The following KCNIP4 variants were observed in gnomAD, a reference collection of about 807,000 sequenced individuals.
KCNIP4 encodes potassium voltage-gated channel interacting protein 4, also known as Kv channel-interacting protein 4.
In KCNIP4, 12 loss-of-function variants were observed where a neutral mutation model predicts 34.0. That is an observed-to-expected ratio of 0.35 (90% CI 0.23 to 0.57). KCNIP4 has a LOEUF of 0.57. KCNIP4 is among the 20% of genes least tolerant of loss of function. The pLI is 0.83. For missense variants in KCNIP4, 238 were observed against 311.7 expected (o/e 0.76, Z 1.78); for synonymous variants, 124 against 102.2 (o/e 1.21, Z -1.29).
intron 1 of KCNIP4, among the ~76,000 whole-genome samples, chr4:21,696,205 TC>T (rs1296885123): frequency 3.9e-5 from 6 of 152,282 alleles, no homozygotes; most frequent in African/African-American, 9.6e-5. Context: ...TCAGTTACTC[TC>T]TTAAAATGGT....
chr4:21,207,075 C>T (rs1243257718), intron 1 of KCNIP4, among the ~76,000 whole-genome samples: 1 of 152,198 alleles, frequency 6.6e-6, no homozygotes, highest in Non-Finnish European at 1.5e-5. Context: ...GAAAATTAGA[C>T]ACCCCCCTGG....
rs1212812031 is a variant in KCNIP4 at position 21,051,854 on chromosome 4, T to C, written c.62-169145A>G. ...TACACACAACCACTACATTACAGCATGAAGTAAGATTTAGGCTGCAAGAGA... is the reference window on the plus strand; with the variant it reads ...TACACACAACCACTACATTACAGCACGAAGTAAGATTTAGGCTGCAAGAGA... On this transcript the variant is annotated intron_variant, in intron 1 of 8. Transcript: ENST00000382152. 2.0e-5 allele frequency among the ~76,000 whole-genome samples: 3 copies of C among 152,136 alleles called. No homozygotes were observed. The East Asian group carries it at 5.8e-4, about 29-fold the overall frequency.
intron 1 of KCNIP4, among the ~76,000 whole-genome samples, chr4:21,498,712 G>A (rs1733053830): frequency 6.6e-6 from 1 of 152,112 alleles, no homozygotes; most frequent in Non-Finnish European, 1.5e-5. Context: ...ACAACTTGAA[G>A]GCACAGCCTG....
chr4:20,988,667 T>C (rs759518168), intron 1 of KCNIP4, among the ~76,000 whole-genome samples: 7 of 152,356 alleles, frequency 4.6e-5, no homozygotes, highest in African/African-American at 1.2e-4. Context: ...ATATAGAAAC[T>C]AGTTAAGTCA....
chr4:20,850,474 C>G, intron 3 of KCNIP4, 69 bp downstream of exon 3: 1 of 1,537,742 alleles, frequency 6.5e-7, no homozygotes, highest in Non-Finnish European at 8.9e-7. Context: ...TATTTTCCCC[C>G]TTTTCCTCTC....
chr4:20,969,805 T>C (rs1007885495), intron 1 of KCNIP4, among the ~76,000 whole-genome samples: 6 of 152,104 alleles, frequency 3.9e-5, no homozygotes, highest in African/African-American at 1.2e-4. Flanking sequence ...AAATCTGTAA[T>C]CTAATGTAAA....
intron 1 of KCNIP4, among the ~76,000 whole-genome samples, chr4:21,921,381 G>T (rs1728932239): frequency 6.6e-6 from 1 of 151,892 alleles, no homozygotes; most frequent in Admixed American, 6.6e-5. Context: ...ATCATGTTCT[G>T]CCCCAATTTT....
At chr4:21,465,848 T>A (rs139751227) in intron 1 of KCNIP4, among the ~76,000 whole-genome samples, 1 of 152,312 alleles carries the variant, frequency 6.6e-6, no homozygotes, top group African/African-American at 2.4e-5. Context: ...AGTTCTCAGC[T>A]AGGAGTTAAG....
chr4:21,031,171 C>T (rs936622957), intron 1 of KCNIP4, among the ~76,000 whole-genome samples: 1 of 152,202 alleles, frequency 6.6e-6, no homozygotes, highest in Admixed American at 6.5e-5. Context: ...TCCCCATTCC[C>T]ACTTCTTCAC....
intron 1 of KCNIP4, among the ~76,000 whole-genome samples, chr4:21,328,486 G>A (rs1427939278): frequency 6.6e-6 from 1 of 152,132 alleles, no homozygotes. Flanking sequence ...CACCTCTGTG[G>A]CTACCACCAG....
intron 1 of KCNIP4, among the ~76,000 whole-genome samples, chr4:21,594,960 T>A (rs1473058493): frequency 6.6e-6 from 1 of 152,058 alleles, no homozygotes; most frequent in Non-Finnish European, 1.5e-5. Context: ...CCACAATTAC[T>A]TTTTTTAAAA....
intron 1 of KCNIP4, among the ~76,000 whole-genome samples, chr4:21,945,548 T>C (rs80129749): frequency 0.02 from 3,034 of 152,324 alleles, 52 homozygotes; most frequent in East Asian, 0.051. Flanking sequence ...CAAATGGCAA[T>C]TCAAAATTGA....
intron 3 of KCNIP4, among the ~76,000 whole-genome samples, chr4:20,847,374 C>T (rs902475306): frequency 6.6e-6 from 1 of 152,114 alleles, no homozygotes; most frequent in African/African-American, 2.4e-5. Context: ...TCAGCATCAC[C>T]TTGGAACTTG....
At chr4:21,794,103 T>A (rs1388252535) in intron 1 of KCNIP4, among the ~76,000 whole-genome samples, 5 of 151,938 alleles carry the variant, frequency 3.3e-5, no homozygotes, top group Non-Finnish European at 7.4e-5. Context: ...GTGGGGAACA[T>A]CACACAATGG....
At chr4:20,927,124 C>A (rs1446043689) in intron 1 of KCNIP4, among the ~76,000 whole-genome samples, 2 of 152,074 alleles carry the variant, frequency 1.3e-5, no homozygotes, top group South Asian at 2.1e-4. Context: ...AACTACAGGT[C>A]CATGTCACCA....
intron 1 of KCNIP4, among the ~76,000 whole-genome samples, chr4:21,832,510 C>A (rs887990105): frequency 6.6e-6 from 1 of 152,140 alleles, no homozygotes; most frequent in Non-Finnish European, 1.5e-5. Flanking sequence ...CTGAGGAAAT[C>A]ATCAGTTTGA....
chr4:21,036,445 A>C (rs764681561), intron 1 of KCNIP4, among the ~76,000 whole-genome samples: 1 of 152,254 alleles, frequency 6.6e-6, no homozygotes, highest in Non-Finnish European at 1.5e-5. Context: ...CTGAATACCA[A>C]CTTCTTACAC....
At chr4:21,212,109 T>C (rs886999791) in intron 1 of KCNIP4, among the ~76,000 whole-genome samples, 5 of 152,216 alleles carry the variant, frequency 3.3e-5, no homozygotes, top group African/African-American at 1.2e-4. Flanking sequence ...TATTAAGGCC[T>C]TTCTGTGATT....
At chr4:21,565,369 A>T (rs1739790611) in intron 1 of KCNIP4, among the ~76,000 whole-genome samples, 1 of 152,058 alleles carries the variant, frequency 6.6e-6, no homozygotes, top group Non-Finnish European at 1.5e-5. Context: ...TCATGATTTC[A>T]CCCAAATCTA....
Sources: gnomAD v4.1 joint callset for allele counts (sites outside exome capture counted in the v4.1 genomes callset) on GRCh38, gnomAD v4.1.1 for gene constraint, MANE v1.5 for transcripts, NCBI Gene and HGNC (gene_info 2026-07-23, HGNC 2026-07-21) for gene names.